Variants in ZNF469 observed in about 807,000 individuals in gnomAD.
The protein encoded by ZNF469 is zinc finger protein 469.
ZNF469 carries 1 observed loss-of-function variant against 1.0 expected under a neutral mutation model. That is an observed-to-expected ratio of 1.00 (90% CI 0.35 to 4.73). The LOEUF is 4.73. Among genes scored for constraint, ZNF469 ranks in the 30% most tolerant of loss-of-function variants. The pLI, the probability that ZNF469 is intolerant of heterozygous loss-of-function variation, is 0.16. For synonymous variants in ZNF469, 2,703 were observed against 2,363.4 expected, an observed-to-expected ratio of 1.14 and a Z score of -4.17; for missense variants, 6,100 against 5,356.3, an observed-to-expected ratio of 1.14 and a Z score of -4.33.
intron 1 of ZNF469, among the ~76,000 whole-genome samples, chr16:88,399,620 C>T (rs1904797545): frequency 6.6e-6 from 1 of 152,230 alleles, no homozygotes; most frequent in Non-Finnish European, 1.5e-5. Flanking sequence ...CTCCCAGCTG[C>T]TCAAAATCAC....
At chr16:88,120,686 C>T in the ZNF469 span, among the ~76,000 whole-genome samples, 8 of 152,328 alleles carry the variant, frequency 5.3e-5, no homozygotes, top group Admixed American at 3.3e-4. Context: ...CTCACTGCAC[C>T]GGGACACGTC....
At chr16:88,116,727 AGCCT>A in the ZNF469 span, among the ~76,000 whole-genome samples, 1 of 152,286 alleles carries the variant, frequency 6.6e-6, no homozygotes, top group East Asian at 1.9e-4. Context: ...GACCTCAAAA[AGCCT>A]GTACATGCCA....
chr16:88,438,253 C>T lies in ZNF469; in HGVS notation c.10783C>T (p.Leu3595Phe), dbSNP rs1906742958. 1.3e-6 allele frequency: 2 copies of T among 1,548,030 alleles called. No individual in the cohort carries two copies. Among genetic ancestry groups the T allele is most frequent in the East Asian group, 4.9e-5 (2 of 40,830 alleles). The change falls in exon 3 of 3, where the codon CTC becomes TTC. Residue 3595 changes from leucine (L) to phenylalanine (F), a missense_variant. Physicochemically the swap from Leu to Phe is conservative, Grantham distance 22. Coordinates refer to ENST00000565624, the MANE Select transcript of ZNF469 (RefSeq NM_001367624.2). ...CCCCGGGCCTCTTCTCCAGCAAGCT[C>T]TCCCTCTGGGGGCATCTCTGCCGCG... ...GSPGPLLQQA[L>F]PLGASLPRPG...
At chr16:88,237,165 C>T in the ZNF469 span, among the ~76,000 whole-genome samples, 3 of 96,576 alleles carry the variant, frequency 3.1e-5, no homozygotes. Context: ...CCTCCCTGCC[C>T]TCCTTGCTCC....
chr16:88,116,888 T>TTGG, the ZNF469 span, among the ~76,000 whole-genome samples: 39 of 151,838 alleles, frequency 2.6e-4, no homozygotes, highest in Middle Eastern at 3.5e-3. Flanking sequence ...GGTTAGTGCT[T>TTGG]TGGTGGTGGT....
In ZNF469 at chr16:88,436,479, G is replaced by T. The variant is rs762354725; in HGVS notation, c.9009G>T (p.Pro3003=). 6.5e-7 allele frequency: 1 copy of T among 1,546,876 alleles called. No homozygotes were observed. Among genetic ancestry groups the T allele is most frequent in the African/African-American group, 1.4e-5 (1 of 73,174 alleles). ...CGGCTTGGCGAGGCCTGGAGATGCC[G>T]GCCCCTGCCGATGACTCCTCCTCTT... The part of the protein sequence containing the change: ...VPAAWRGLEM[P]APADDSSSSL... Residue 3003 remains proline, a synonymous_variant, in exon 3 of 3, where the codon CCG becomes CCT. Coordinates refer to ENST00000565624, the MANE Select transcript of ZNF469 (RefSeq NM_001367624.2).
At position 88,429,822 on chromosome 16, in the gene ZNF469, C is replaced by T. The variant is rs1221085785; in HGVS notation, c.2352C>T (p.Ala784=). Residue 784 remains alanine, a synonymous_variant, in exon 3 of 3, where the codon GCC becomes GCT. Coordinates refer to ENST00000565624, the MANE Select transcript of ZNF469 (RefSeq NM_001367624.2). Reference sequence around the variant, plus strand: ...CCCCCGCTGCCCCCAGAGTCCCTGCCGACGCACACGCGGGCTTGCTCAGCC... The same window carrying T: ...CCCCCGCTGCCCCCAGAGTCCCTGCTGACGCACACGCGGGCTTGCTCAGCC... The part of the protein sequence containing the change: ...PSPPAAPRVP[A]DAHAGLLSHA... 1.9e-6 allele frequency: 3 copies of T among 1,546,768 alleles called. No individual in the cohort carries two copies. The highest frequency in any genetic ancestry group is 2.0e-5 in the Admixed American group (1 of 50,934).
the ZNF469 span, among the ~76,000 whole-genome samples, chr16:88,325,222 T>TGCAACAC: frequency 3.4e-4 from 42 of 122,050 alleles, no homozygotes; most frequent in East Asian, 2.0e-3. Context: ...AGCTGTGACA[T>TGCAACAC]ACACAGGGCC....
At chr16:88,215,383 A>ACTTTTTTTTTTTTTTTTTTTTTTT in the ZNF469 span, among the ~76,000 whole-genome samples, 1 of 94,188 alleles carries the variant, frequency 1.1e-5, no homozygotes, top group Non-Finnish European at 1.9e-5. Context: ...TTGCCTTTTA[A>ACTTTTTTTTTTTTTTTTTTTTTTT]TTTTTTTTTT....
the ZNF469 span, among the ~76,000 whole-genome samples, chr16:88,208,254 G>A: frequency 6.6e-6 from 1 of 151,842 alleles, no homozygotes; most frequent in African/African-American, 2.4e-5. Flanking sequence ...AGCAGGAAGA[G>A]ATATCTCAAG....
At chr16:88,267,603 C>G in the ZNF469 span, among the ~76,000 whole-genome samples, 1 of 152,158 alleles carries the variant, frequency 6.6e-6, no homozygotes, top group Non-Finnish European at 1.5e-5. Context: ...GTTCCTCCCT[C>G]TGGGGCAGGC....
chr16:88,439,446 C>G lies in ZNF469; in HGVS notation c.*114C>G. 8.5e-7 allele frequency: 1 copy of G among 1,180,360 alleles called. No homozygotes were observed. Among genetic ancestry groups the G allele is most frequent in the Non-Finnish European group, 1.2e-6 (1 of 816,862 alleles). 73.1% of individuals were successfully genotyped at this position (1,180,360 alleles called of 1,614,324 possible). ...CTCTGTGGCCACTTGACTTCTTGTGCAACTGCTCAGGCCTTGATGTCAGAG... is the reference window on the plus strand; with the variant it reads ...CTCTGTGGCCACTTGACTTCTTGTGGAACTGCTCAGGCCTTGATGTCAGAG... On this transcript the variant is annotated 3_prime_UTR_variant, in exon 3 of 3. Coordinates refer to ENST00000565624, the MANE Select transcript of ZNF469 (RefSeq NM_001367624.2).
chr16:88,159,665 A>C, the ZNF469 span, among the ~76,000 whole-genome samples: 2 of 151,922 alleles, frequency 1.3e-5, no homozygotes, highest in East Asian at 3.9e-4. Flanking sequence ...CCTTTCATCA[A>C]AGCCTCTAAG....
the ZNF469 span, chr16:88,191,446 A>C: frequency 3.3e-5 from 5 of 152,274 alleles, no homozygotes; most frequent in Admixed American, 2.0e-4. Flanking sequence ...CAACCACCGC[A>C]CTGGGCTGGG....
At chr16:88,193,045 GTGATGATGGTGA>G in the ZNF469 span, among the ~76,000 whole-genome samples, 2 of 57,028 alleles carry the variant, frequency 3.5e-5, no homozygotes, top group Admixed American at 1.7e-4. Context: ...GATGGTGGTG[GTGATGATGGTGA>G]TGGTGGTGAT....
chr16:88,124,244 T>C, the ZNF469 span, among the ~76,000 whole-genome samples: 8 of 152,224 alleles, frequency 5.3e-5, no homozygotes, highest in Non-Finnish European at 8.8e-5. Flanking sequence ...TTATTTTATT[T>C]ATTTTTTGAG....
chr16:88,293,923 T>TA, the ZNF469 span, among the ~76,000 whole-genome samples: 1 of 152,120 alleles, frequency 6.6e-6, no homozygotes, highest in Non-Finnish European at 1.5e-5. Flanking sequence ...GGGGTTCACG[T>TA]GACACAGGTG....
At chr16:88,305,340 T>C in the ZNF469 span, among the ~76,000 whole-genome samples, 1 of 98,042 alleles carries the variant, frequency 1.0e-5, no homozygotes, top group Non-Finnish European at 2.1e-5. Context: ...ACGCACACCC[T>C]CACACACATG....
At chr16:88,376,638 C>A in the ZNF469 span, among the ~76,000 whole-genome samples, 1 of 152,236 alleles carries the variant, frequency 6.6e-6, no homozygotes, top group African/African-American at 2.4e-5. Flanking sequence ...TCTGCGAGGG[C>A]TGAGTGAGGG....
Sources: gnomAD v4.1 joint callset for allele counts (sites outside exome capture counted in the v4.1 genomes callset) on GRCh38, gnomAD v4.1.1 for gene constraint, MANE v1.5 for transcripts, NCBI Gene and HGNC (gene_info 2026-07-23, HGNC 2026-07-21) for gene names.